The following DSCAM variants were observed in gnomAD, a reference collection of about 807,000 sequenced individuals.
DSCAM encodes the protein DS cell adhesion molecule.
A neutral mutation model predicts 217.7 loss-of-function variants in DSCAM; 47 were observed. The observed-to-expected ratio is 0.22, with a 90% CI of 0.17 to 0.28. The LOEUF (loss-of-function observed/expected upper bound fraction) is 0.28, where lower values mean the gene tolerates loss of function less well. Ranked by LOEUF, DSCAM falls within the 10% of genes least tolerant of loss-of-function variation. DSCAM has a pLI of 1.00. For missense variants in DSCAM, 2,080 were observed against 2,618.3 expected (o/e 0.79, Z 4.49); for synonymous variants, 1,056 against 1,015.3 (o/e 1.04, Z -0.76).
chr21:40,735,987 C>T (rs1278781399), intron 1 of DSCAM, among the ~76,000 whole-genome samples: 2 of 152,066 alleles, frequency 1.3e-5, no homozygotes. Context: ...CCCAGGCTAC[C>T]CACACTTCAG....
At chr21:40,743,488 G>A (rs891159323) in intron 1 of DSCAM, among the ~76,000 whole-genome samples, 1 of 151,964 alleles carries the variant, frequency 6.6e-6, no homozygotes, top group African/African-American at 2.4e-5. Flanking sequence ...ATATTTTTCT[G>A]AGCTTATTCC....
chr21:40,659,086 G>A (rs991554252), intron 3 of DSCAM, among the ~76,000 whole-genome samples: 1 of 152,066 alleles, frequency 6.6e-6, no homozygotes, highest in Non-Finnish European at 1.5e-5. Context: ...CATACAGACG[G>A]ACAACCATCA....
chr21:40,715,506 G>A lies in DSCAM; in HGVS notation c.44-6735C>T, dbSNP rs111248243. ...TCTTACCCACAGAGAAGAGAGGCAG[G>A]GGTGTTCATCAAGTCGTAAGTGTTT... is the stretch of plus-strand genomic sequence containing the variant. On this transcript the variant is annotated intron_variant, in intron 1 of 32. Transcript: ENST00000400454. Among the ~76,000 whole-genome samples, 225 of 152,192 alleles carry A rather than the reference G, an allele frequency of 1.5e-3. 1 individual carries two copies. Among genetic ancestry groups the A allele is most frequent in the African/African-American group, 5.2e-3 (216 of 41,516 alleles).
At chr21:40,827,482 A>G (rs200838555) in intron 1 of DSCAM, among the ~76,000 whole-genome samples, 4 of 137,092 alleles carry the variant, frequency 2.9e-5, no homozygotes, top group African/African-American at 7.9e-5. Context: ...AAAAAAAAAA[A>G]AAAAGAAAAG....
At chr21:40,586,558 A>C (rs1307891948) in intron 3 of DSCAM, among the ~76,000 whole-genome samples, 3 of 152,210 alleles carry the variant, frequency 2.0e-5, no homozygotes, top group Non-Finnish European at 4.4e-5. Context: ...GGATTTGTTA[A>C]AGTTCAATTC....
intron 1 of DSCAM, among the ~76,000 whole-genome samples, chr21:40,757,999 A>G (rs2091292494): frequency 6.6e-6 from 1 of 152,214 alleles, no homozygotes; most frequent in South Asian, 2.1e-4. Context: ...ACTGGATTAC[A>G]ATGATCTCTA....
At chr21:40,458,387 T>C (rs2075780269) in intron 3 of DSCAM, among the ~76,000 whole-genome samples, 1 of 152,148 alleles carries the variant, frequency 6.6e-6, no homozygotes, top group African/African-American at 2.4e-5. Flanking sequence ...ACAAAAGTTG[T>C]ATATGAAGTA....
At chr21:40,553,140 T>A (rs956056066) in intron 3 of DSCAM, among the ~76,000 whole-genome samples, 2 of 152,236 alleles carry the variant, frequency 1.3e-5, no homozygotes, top group African/African-American at 4.8e-5. Context: ...AGGGACAGTT[T>A]CTATTGGTGG....
chr21:40,467,259 C>T (rs1161049913), intron 3 of DSCAM, among the ~76,000 whole-genome samples: 2 of 152,208 alleles, frequency 1.3e-5, no homozygotes, highest in Non-Finnish European at 2.9e-5. Flanking sequence ...AATTCCAGCA[C>T]ATTAACTTCT....
intron 1 of DSCAM, among the ~76,000 whole-genome samples, chr21:40,780,630 G>A (rs1044201747): frequency 5.9e-5 from 9 of 151,808 alleles, no homozygotes; most frequent in Non-Finnish European, 1.3e-4. Context: ...AAGGTAAAAC[G>A]AAGTCATATG....
At chr21:40,273,206 T>C (rs1020262002) in intron 11 of DSCAM, among the ~76,000 whole-genome samples, 3 of 152,236 alleles carry the variant, frequency 2.0e-5, no homozygotes, top group African/African-American at 7.2e-5. Context: ...GTATCTTATG[T>C]CTTACAATGT....
Position 40,548,350 on chromosome 21 carries a change from A to C in DSCAM, c.508+144460T>G, listed in dbSNP as rs114029511. 7.7e-3 allele frequency among the ~76,000 whole-genome samples: 1,166 copies of C among 152,164 alleles called. 12 individuals carry two copies. The highest frequency in any genetic ancestry group is 0.027 in the African/African-American group (1,114 of 41,506). ...TCCTCCCAAGGGGGTTCGGCTTGGTACTGATCTTTAAGTAAGTGAACGCTA... is the reference window on the plus strand; with the variant it reads ...TCCTCCCAAGGGGGTTCGGCTTGGTCCTGATCTTTAAGTAAGTGAACGCTA... On this transcript the variant is annotated intron_variant, in intron 3 of 32. Coordinates refer to ENST00000400454, the MANE Select transcript of DSCAM (RefSeq NM_001389.5).
At chr21:40,044,366 C>T (rs1291998991) in intron 30 of DSCAM, 91 bp from the exon 31 acceptor site, 4 of 1,340,058 alleles carry the variant, frequency 3.0e-6, no homozygotes, top group African/African-American at 1.5e-5. Flanking sequence ...CCACCCAGCA[C>T]TGCCGACTCG....
At chr21:40,696,509 CAGG>C (rs1017109730) in intron 2 of DSCAM, among the ~76,000 whole-genome samples, 5 of 152,154 alleles carry the variant, frequency 3.3e-5, no homozygotes, top group Admixed American at 3.3e-4. Context: ...GGGCTGGCCT[CAGG>C]AGGATGGAAC....
At chr21:40,543,504 T>A (rs1314857196) in intron 3 of DSCAM, among the ~76,000 whole-genome samples, 2 of 152,090 alleles carry the variant, frequency 1.3e-5, no homozygotes, top group Non-Finnish European at 2.9e-5. Flanking sequence ...TTAAGCAGAA[T>A]GTCAGGTTGA....
At chr21:40,366,543 C>CA (rs559563436) in intron 4 of DSCAM, among the ~76,000 whole-genome samples, 4 of 151,828 alleles carry the variant, frequency 2.6e-5, no homozygotes, top group East Asian at 3.8e-4. Flanking sequence ...TCATTTCAAA[C>CA]AAAAAAATAT....
chr21:40,828,654 C>A (rs1403434850), intron 1 of DSCAM, among the ~76,000 whole-genome samples: 2 of 119,568 alleles, frequency 1.7e-5, no homozygotes, highest in African/African-American at 6.8e-5. Flanking sequence ...GGACACCCCA[C>A]CCTCTTTTTT....
At chr21:40,248,392 G>T (rs551876004) in intron 11 of DSCAM, among the ~76,000 whole-genome samples, 1 of 152,278 alleles carries the variant, frequency 6.6e-6, no homozygotes, top group South Asian at 2.1e-4. Context: ...TCTTTTGAAT[G>T]CTTTGCTGCT....
chr21:40,142,441 A>G (rs375416631), intron 18 of DSCAM, 117 bp downstream of exon 18: 1 of 1,118,080 alleles, frequency 8.9e-7, no homozygotes, highest in Non-Finnish European at 1.3e-6. Context: ...GAAAGTGTCT[A>G]TTGATAAAGA....
Sources: gnomAD v4.1 joint callset for allele counts (sites outside exome capture counted in the v4.1 genomes callset) on GRCh38, gnomAD v4.1.1 for gene constraint, MANE v1.5 for transcripts, NCBI Gene and HGNC (gene_info 2026-07-23, HGNC 2026-07-21) for gene names.